ASB5: variants seen among roughly 807,000 people sequenced by gnomAD.
ASB5 encodes ankyrin repeat and SOCS box containing 5.
ASB5 carries 45 observed loss-of-function variants against 42.1 expected under a neutral mutation model. The observed-to-expected ratio is 1.07, with a 90% confidence interval of 0.84 to 1.37. ASB5 has a LOEUF of 1.37. ASB5 is among the 40% of genes most tolerant of loss of function. The pLI is 0.00. For missense variants in ASB5, 402 were observed against 399.8 expected (o/e 1.01, Z -0.05); for synonymous variants, 147 against 150.6 (o/e 0.98, Z 0.18).
chr4:176,224,230 T>TTC, intron 2 of ASB5, among the ~76,000 whole-genome samples: 1 of 130,128 alleles, frequency 7.7e-6, no homozygotes, highest in South Asian at 2.8e-4. Flanking sequence ...GATTTTTTTT[T>TTC]TTTTTTTTTT....
intron 1 of ASB5, among the ~76,000 whole-genome samples, chr4:176,265,118 ACT>A (rs1754331976): frequency 1.3e-5 from 2 of 152,016 alleles, no homozygotes. Context: ...ACTTTCAATG[ACT>A]CCTACTGCCT....
chr4:176,215,937 T>G (rs1354602240), intron 6 of ASB5, among the ~76,000 whole-genome samples: 1 of 152,120 alleles, frequency 6.6e-6, no homozygotes, highest in Non-Finnish European at 1.5e-5. Context: ...TATACATTCC[T>G]TAAAATATTA....
At chr4:176,226,744 G>A (rs746901957) in intron 1 of ASB5, among the ~76,000 whole-genome samples, 6 of 152,148 alleles carry the variant, frequency 3.9e-5, no homozygotes, top group African/African-American at 7.2e-5. Context: ...AGCAGGAATA[G>A]CAGCTTGAAT....
In ASB5 at chr4:176,222,345, A is replaced by G. The variant is rs1753238525; in HGVS notation, c.352T>C (p.Cys118Arg). 6.2e-7 allele frequency: 1 copy of G among 1,613,992 alleles called. No individual in the cohort carries two copies. Among genetic ancestry groups the G allele is most frequent in the Non-Finnish European group, 8.5e-7 (1 of 1,179,866 alleles). The change falls in exon 3 of 7, where the codon TGT (cysteine) becomes CGT (arginine). Residue 118 changes from cysteine to arginine, a missense_variant. By Grantham distance (180) the Cys-to-Arg change is radical. Transcript: ENST00000296525. Reference protein sequence around the residue: ...HEACLGDHVACARTLLEAGAN... With the variant: ...HEACLGDHVARARTLLEAGAN... ...CCTGCTTCCAGCAGAGTTCTGGCAC[A>G]TGCCACGTGATCTCCAAGGCAGGCT...
chr4:176,259,859 T>C (rs964637916), intron 1 of ASB5, among the ~76,000 whole-genome samples: 8 of 152,230 alleles, frequency 5.3e-5, no homozygotes, highest in African/African-American at 1.9e-4. Flanking sequence ...TGTGTATTTC[T>C]GAAGGTTTCT....
intron 1 of ASB5, among the ~76,000 whole-genome samples, chr4:176,241,864 T>A (rs1217345544): frequency 6.6e-6 from 1 of 152,074 alleles, no homozygotes; most frequent in East Asian, 1.9e-4. Context: ...AATGGAGTGG[T>A]GATCTGGAAG....
At chr4:176,224,986 T>G (rs561295723) in intron 2 of ASB5, among the ~76,000 whole-genome samples, 1 of 152,340 alleles carries the variant, frequency 6.6e-6, no homozygotes, top group East Asian at 1.9e-4. Flanking sequence ...GCTCAATCAA[T>G]AACACATAAA....
At chr4:176,240,543 T>C (rs1288937197) in intron 1 of ASB5, among the ~76,000 whole-genome samples, 3 of 152,136 alleles carry the variant, frequency 2.0e-5, no homozygotes, top group Non-Finnish European at 2.9e-5. Flanking sequence ...TTAATACTTA[T>C]AGATGTTTCA....
chr4:176,235,235 C>T (rs1043877180), intron 1 of ASB5, among the ~76,000 whole-genome samples: 1 of 152,070 alleles, frequency 6.6e-6, no homozygotes, highest in Non-Finnish European at 1.5e-5. Context: ...AGTAGCAAAA[C>T]ACAGCAATAC....
chr4:176,233,703 C>T (rs1753611969), intron 1 of ASB5, among the ~76,000 whole-genome samples: 1 of 152,160 alleles, frequency 6.6e-6, no homozygotes, highest in African/African-American at 2.4e-5. Flanking sequence ...ATCATCCAAG[C>T]TCAGTCTTTG....
intron 2 of ASB5, 101 bp downstream of exon 2, chr4:176,225,161 G>T (rs1753340564): frequency 1.1e-6 from 1 of 894,746 alleles, no homozygotes; most frequent in Non-Finnish European, 1.7e-6. Flanking sequence ...AAGGGCAGAA[G>T]TAAAATGTAA....
intron 1 of ASB5, among the ~76,000 whole-genome samples, chr4:176,242,428 A>G (rs752030856): frequency 2.0e-5 from 3 of 152,238 alleles, no homozygotes; most frequent in Admixed American, 6.5e-5. Context: ...ATACATATAC[A>G]TATTTGAATT....
At chr4:176,249,937 C>T (rs939919978) in intron 1 of ASB5, among the ~76,000 whole-genome samples, 21 of 151,498 alleles carry the variant, frequency 1.4e-4, no homozygotes, top group African/African-American at 4.9e-4. Context: ...TGGTGACGGG[C>T]GCCTGTAGTC....
intron 1 of ASB5, among the ~76,000 whole-genome samples, chr4:176,251,703 G>A (rs1754040135): frequency 6.7e-6 from 1 of 149,188 alleles, no homozygotes; most frequent in Non-Finnish European, 1.5e-5. Flanking sequence ...AAAGGAAAAC[G>A]ATCTTCGAGT....
At position 176,222,503 on chromosome 4, in the gene ASB5, A is replaced by C. The variant is rs1056555309; in HGVS notation, c.277-83T>G. The stretch of plus-strand genomic sequence containing the variant: ...TATATGGATGTCACTAGAGAGTGAT[A>C]TATTTTAGACATCAAAGAATCTCAG... On this transcript the variant is annotated intron_variant, in intron 2 of 6. Coordinates refer to ENST00000296525, the MANE Select transcript of ASB5 (RefSeq NM_080874.4). 21 of 1,236,894 alleles carry C rather than the reference A, an allele frequency of 1.7e-5. 1 individual carries two copies. The highest frequency in any genetic ancestry group is 2.4e-5 in the Non-Finnish European group (21 of 866,718). The allele number at this position is 1,236,894 out of a possible 1,614,324, so 76.6% of individuals were successfully genotyped here.
intron 1 of ASB5, among the ~76,000 whole-genome samples, chr4:176,258,759 A>AAAG (rs1579333480): frequency 6.6e-6 from 1 of 152,196 alleles, no homozygotes; most frequent in Non-Finnish European, 1.5e-5. Flanking sequence ...TGCTTTCTAA[A>AAAG]ATGGAGCTTT....
chr4:176,218,218 G>GATATATAAATATATATATATTTGTATGAT (rs199848866), intron 5 of ASB5, among the ~76,000 whole-genome samples: 1 of 29,208 alleles, frequency 3.4e-5, no homozygotes, highest in Non-Finnish European at 6.6e-5. Flanking sequence ...ATATTTGTAT[G>GATATATAAATATATATATATTTGTATGAT]ATATAAATAT....
At chr4:176,262,655 A>G (rs994897448) in intron 1 of ASB5, among the ~76,000 whole-genome samples, 12 of 152,178 alleles carry the variant, frequency 7.9e-5, no homozygotes, top group African/African-American at 2.9e-4. Context: ...TCTTTCTTCC[A>G]CTAAACTGTG....
At position 176,230,670 on chromosome 4, in the gene ASB5, C is replaced by G. The variant is rs190601552; in HGVS notation, c.197-5329G>C. ...ACACCTTGTTCTTCCCCTTCAAAAT[C>G]CGAAATTTAGCAACTACGTATTTCT... On this transcript the variant is annotated intron_variant, in intron 1 of 6. Transcript: ENST00000296525. 3.5e-4 allele frequency among the ~76,000 whole-genome samples: 53 copies of G among 152,216 alleles called. 1 individual carries two copies. In the East Asian group the frequency reaches 9.8e-3, roughly 28 times the overall value.
Sources: allele counts gnomAD v4.1 joint callset (sites outside exome capture counted in the v4.1 genomes callset), GRCh38; gene constraint gnomAD v4.1.1; transcripts MANE v1.5; gene names NCBI Gene and HGNC (gene_info 2026-07-23, HGNC 2026-07-21).